VAX2: variants seen among roughly 807,000 people sequenced by gnomAD.
The protein encoded by VAX2 is ventral anterior homeobox 2.
A neutral mutation model predicts 12.5 loss-of-function variants in VAX2; 8 were observed. That is an observed-to-expected ratio of 0.64 (90% CI 0.37 to 1.15). The LOEUF (loss-of-function observed/expected upper bound fraction) is 1.15. Among genes scored for constraint, VAX2 ranks in the 50% most tolerant of loss-of-function variants. VAX2 has a pLI of 0.01. For synonymous variants in VAX2, 183 were observed against 187.6 expected (o/e 0.98, Z 0.20); for missense variants, 476 against 412.9 (o/e 1.15, Z -1.32).
chr2:70,916,945 G>T (rs903735595), intron 1 of VAX2, among the ~76,000 whole-genome samples: 4 of 152,112 alleles, frequency 2.6e-5, no homozygotes, highest in Admixed American at 2.6e-4. Flanking sequence ...GAGGTCAGGA[G>T]TTCGAGACCA....
At chr2:70,928,415 C>A (rs781801588) in intron 2 of VAX2, among the ~76,000 whole-genome samples, 1 of 152,198 alleles carries the variant, frequency 6.6e-6, no homozygotes, top group Non-Finnish European at 1.5e-5. Context: ...AGTGTGCGGC[C>A]AAGGTTGAGA....
chr2:70,928,082 T>C (rs2104785241), intron 2 of VAX2, among the ~76,000 whole-genome samples: 1 of 152,338 alleles, frequency 6.6e-6, no homozygotes, highest in East Asian at 1.9e-4. Flanking sequence ...AATGAAGGTT[T>C]CCTGGGGCAG....
intron 1 of VAX2, among the ~76,000 whole-genome samples, chr2:70,910,179 AAT>A (rs1297932037): frequency 6.6e-6 from 1 of 152,174 alleles, no homozygotes; most frequent in East Asian, 1.9e-4. Context: ...ATTTGCTAAT[AAT>A]TACAGCAGAA....
At chr2:70,909,090 C>T (rs1390356409) in intron 1 of VAX2, among the ~76,000 whole-genome samples, 1 of 152,134 alleles carries the variant, frequency 6.6e-6, no homozygotes, top group Non-Finnish European at 1.5e-5. Flanking sequence ...TTTTAATTTA[C>T]AATTTATCCT....
chr2:70,911,024 A>G (rs1679170940), intron 1 of VAX2, among the ~76,000 whole-genome samples: 2 of 152,138 alleles, frequency 1.3e-5, no homozygotes, highest in South Asian at 4.1e-4. Flanking sequence ...TTTATTCCCT[A>G]GTCTTTTCAC....
chr2:70,909,447 C>A (rs1350840947), intron 1 of VAX2, among the ~76,000 whole-genome samples: 3 of 152,050 alleles, frequency 2.0e-5, no homozygotes, highest in African/African-American at 7.2e-5. Context: ...AGCAATCCTC[C>A]CACCTGCGCC....
intron 2 of VAX2, among the ~76,000 whole-genome samples, chr2:70,923,727 G>A (rs1679510637): frequency 6.6e-6 from 1 of 152,200 alleles, no homozygotes; most frequent in Non-Finnish European, 1.5e-5. Context: ...AGACACAAAG[G>A]GCAAGGTAAG....
rs1679015577 is a variant in VAX2 at position 70,904,891 on chromosome 2, G to A, written c.247+4023G>A. 6.6e-6 allele frequency among the ~76,000 whole-genome samples: 1 copy of A among 152,224 alleles called. No homozygotes were observed. Among genetic ancestry groups the A allele is most frequent in the Admixed American group, 6.5e-5 (1 of 15,286 alleles). On this transcript the variant is annotated intron_variant, in intron 1 of 2. Transcript: ENST00000234392. This position sits in a 1 kb window ranked among gnomAD's most constrained non-coding sequence, Gnocchi z 4.2. The stretch of plus-strand genomic sequence containing the variant: ...GGACCCACGCTCCGGAAACACCCAA[G>A]TCCGAACTCGTACACACAGCACAAT...
At chr2:70,914,183 C>T (rs920963082) in intron 1 of VAX2, among the ~76,000 whole-genome samples, 8 of 152,282 alleles carry the variant, frequency 5.3e-5, no homozygotes, top group Non-Finnish European at 7.3e-5. Flanking sequence ...TGCGGTGGCT[C>T]ATATCTGTAA....
chr2:70,906,197 G>C (rs1360012086), intron 1 of VAX2, among the ~76,000 whole-genome samples: 5 of 152,230 alleles, frequency 3.3e-5, no homozygotes, highest in Non-Finnish European at 5.9e-5. Flanking sequence ...ACAGGTCTAG[G>C]AGGCTAGTTC....
chr2:70,932,803 A>G lies in VAX2; in HGVS notation c.472A>G (p.Lys158Glu). 1 of 1,600,088 alleles carries G rather than the reference A, an allele frequency of 6.2e-7. No homozygotes were observed. Among genetic ancestry groups the G allele is most frequent in the South Asian group, 1.1e-5 (1 of 89,514 alleles). ...VWFQNRRTKQ[K>E]KDQSRDLEKR... ...GTTCCAGAACCGCCGCACCAAGCAG[A>G]AGAAAGACCAGAGCAGAGACCTGGA... Residue 158 changes from lysine to glutamate, a missense_variant, in exon 3 of 3, where the codon AAG (lysine) becomes GAG (glutamate). Transcript: ENST00000234392.
At chr2:70,917,102 G>C (rs1173681042) in intron 1 of VAX2, among the ~76,000 whole-genome samples, 2 of 143,276 alleles carry the variant, frequency 1.4e-5, no homozygotes, top group African/African-American at 5.3e-5. Context: ...AGTGAGCCGA[G>C]ATCGCGCCAC....
intron 1 of VAX2, among the ~76,000 whole-genome samples, chr2:70,901,783 G>C (rs1553409825): frequency 1.3e-5 from 2 of 152,200 alleles, no homozygotes; most frequent in Non-Finnish European, 2.9e-5. Context: ...CCGGGGTCTT[G>C]CCCTCAGCCC....
chr2:70,903,017 G>A (rs114073481), intron 1 of VAX2, among the ~76,000 whole-genome samples: 208 of 152,314 alleles, frequency 1.4e-3, no homozygotes, highest in African/African-American at 4.9e-3. Flanking sequence ...ATGATAGGGA[G>A]GTTATTATGG....
At chr2:70,920,348 G>A (rs1005014094) in intron 1 of VAX2, among the ~76,000 whole-genome samples, 6 of 152,128 alleles carry the variant, frequency 3.9e-5, no homozygotes, top group African/African-American at 1.4e-4. Context: ...GGGAACGTGG[G>A]CTCCAAATCA....
At position 70,904,380 on chromosome 2, in the gene VAX2, T is replaced by G. The variant is rs1172036398; in HGVS notation, c.247+3512T>G. 1.3e-5 allele frequency among the ~76,000 whole-genome samples: 2 copies of G among 152,052 alleles called. No homozygotes were observed. The highest frequency in any genetic ancestry group is 2.9e-5 in the Non-Finnish European group (2 of 68,024). ...GAGGTGGACAACTCTGACCGCAGAC[T>G]CCCTACAACCCCGCGATCGATGCTC... On this transcript the variant is annotated intron_variant, in intron 1 of 2. Transcript: ENST00000234392. This position sits in a 1 kb window ranked among gnomAD's most constrained non-coding sequence, Gnocchi z 4.2.
chr2:70,906,725 G>T (rs1017908396), intron 1 of VAX2, among the ~76,000 whole-genome samples: 1 of 151,722 alleles, frequency 6.6e-6, no homozygotes, highest in Admixed American at 6.6e-5. Flanking sequence ...ACATTAATGC[G>T]TACTCACTGT....
rs144924107 is a variant in VAX2 at position 70,904,311 on chromosome 2, G to A, written c.247+3443G>A. On this transcript the variant is annotated intron_variant, in intron 1 of 2. Coordinates refer to ENST00000234392, the MANE Select transcript of VAX2 (RefSeq NM_012476.3). This position sits in a 1 kb window ranked among gnomAD's most constrained non-coding sequence, Gnocchi z 4.2. ...GCTCAAACAGCACAGGGCAGTGGCC[G>A]AGCACCAGGCTTTTCGGTGGAGCTG... is the stretch of plus-strand genomic sequence containing the variant. Among the ~76,000 whole-genome samples, 433 of 152,316 alleles carry A rather than the reference G, an allele frequency of 2.8e-3. 4 individuals carry two copies. Among genetic ancestry groups the A allele is most frequent in the African/African-American group, 9.5e-3 (393 of 41,580 alleles).
intron 1 of VAX2, among the ~76,000 whole-genome samples, chr2:70,913,343 C>A (rs1181721860): frequency 6.6e-6 from 1 of 152,204 alleles, no homozygotes; most frequent in East Asian, 1.9e-4. Flanking sequence ...TCCCAACACT[C>A]GTCTTTGCCT....
Sources: gnomAD v4.1 joint callset for allele counts (sites outside exome capture counted in the v4.1 genomes callset) on GRCh38, gnomAD v4.1.1 for gene constraint, Gnocchi (gnomAD v3.1) non-coding constraint, MANE v1.5 for transcripts, NCBI Gene and HGNC (gene_info 2026-07-23, HGNC 2026-07-21) for gene names.